DMRT1: variants seen among roughly 807,000 people sequenced by gnomAD.
DMRT1 encodes the protein doublesex and mab-3 related transcription factor 1, also known as doublesex- and mab-3-related transcription factor 1.
DMRT1 carries 7 observed loss-of-function variants against 32.3 expected under a neutral mutation model. That is an observed-to-expected ratio of 0.22 (90% CI 0.12 to 0.41). The LOEUF (loss-of-function observed/expected upper bound fraction) is 0.41. Among genes scored for constraint, DMRT1 ranks in the 10% least tolerant of loss-of-function variants. The pLI is 1.00. For synonymous variants in DMRT1, 278 were observed against 206.1 expected (o/e 1.35, Z -2.99); for missense variants, 625 against 500.5 (o/e 1.25, Z -2.37).
chr9:871,338 CT>C (rs1370831436), intron 2 of DMRT1, among the ~76,000 whole-genome samples: 167 of 137,136 alleles, frequency 1.2e-3, no homozygotes, highest in Admixed American at 1.5e-3. Flanking sequence ...TCTTTGAACT[CT>C]TTTTTTTTTT....
intron 2 of DMRT1, among the ~76,000 whole-genome samples, chr9:866,119 C>T (rs907753474): frequency 2.3e-5 from 3 of 130,676 alleles, no homozygotes; most frequent in Non-Finnish European, 4.7e-5. Context: ...AGCCGAGATC[C>T]TGCTACTGCA....
At chr9:960,679 G>A (rs1718094684) in intron 4 of DMRT1, among the ~76,000 whole-genome samples, 1 of 152,208 alleles carries the variant, frequency 6.6e-6, no homozygotes, top group African/African-American at 2.4e-5. Flanking sequence ...AGGGGTACGA[G>A]CTGGGCTTGG....
At chr9:842,241 T>G (rs1718294435) in intron 1 of DMRT1, 49 bp downstream of exon 1, 1 of 1,501,004 alleles carries the variant, frequency 6.7e-7, no homozygotes. Flanking sequence ...TTTTTTTTTT[T>G]TTTTTTTTTT....
intron 4 of DMRT1, among the ~76,000 whole-genome samples, chr9:923,235 G>A (rs780958934): frequency 6.6e-6 from 1 of 152,164 alleles, no homozygotes; most frequent in South Asian, 2.1e-4. Flanking sequence ...TCTGCTCTCT[G>A]TTGGGAGCAC....
chr9:913,324 C>T (rs1041653814), intron 3 of DMRT1, among the ~76,000 whole-genome samples: 5 of 152,124 alleles, frequency 3.3e-5, no homozygotes, highest in Admixed American at 1.3e-4. Flanking sequence ...CGGCTTATGT[C>T]GGCACCTTGC....
At chr9:867,476 A>G (rs1391990842) in intron 2 of DMRT1, among the ~76,000 whole-genome samples, 1 of 152,250 alleles carries the variant, frequency 6.6e-6, no homozygotes, top group Non-Finnish European at 1.5e-5. Context: ...AGTAGCTCTC[A>G]TTTACCGAGT....
intron 3 of DMRT1, among the ~76,000 whole-genome samples, chr9:913,451 A>G (rs1463608154): frequency 2.0e-5 from 3 of 152,180 alleles, no homozygotes; most frequent in Non-Finnish European, 4.4e-5. Context: ...GCAGTTGTAG[A>G]TGGCAACAGA....
intron 3 of DMRT1, among the ~76,000 whole-genome samples, chr9:910,192 A>C (rs1419764882): frequency 6.6e-6 from 1 of 152,194 alleles, no homozygotes; most frequent in Non-Finnish European, 1.5e-5. Context: ...TTTTGTCTTG[A>C]AGCATGAAGA....
intron 4 of DMRT1, among the ~76,000 whole-genome samples, chr9:966,695 G>A (rs747162717): frequency 1.3e-5 from 2 of 152,202 alleles, no homozygotes; most frequent in African/African-American, 2.4e-5. Context: ...TCCACTAGCT[G>A]CAGCAAACCT....
intron 4 of DMRT1, among the ~76,000 whole-genome samples, chr9:952,179 T>A (rs967690888): frequency 4.6e-5 from 7 of 152,196 alleles, no homozygotes; most frequent in African/African-American, 1.7e-4. Context: ...TTCACAGCCA[T>A]ATCCCCTGTA....
intron 4 of DMRT1, among the ~76,000 whole-genome samples, chr9:944,680 G>A (rs1219390333): frequency 6.6e-5 from 10 of 152,026 alleles, no homozygotes; most frequent in Non-Finnish European, 8.8e-5. Flanking sequence ...ACCTCTTTTG[G>A]GTAAATGGTA....
At chr9:941,634 C>G (rs1819076118) in intron 4 of DMRT1, among the ~76,000 whole-genome samples, 1 of 151,664 alleles carries the variant, frequency 6.6e-6, no homozygotes, top group African/African-American at 2.4e-5. Context: ...TACACAGCAG[C>G]CTGAATGAAC....
chr9:891,088 G>A (rs112421566), intron 2 of DMRT1, among the ~76,000 whole-genome samples: 2 of 151,716 alleles, frequency 1.3e-5, no homozygotes, highest in Non-Finnish European at 2.9e-5. Flanking sequence ...GCCTGTAATC[G>A]TAGCACTTTG....
At chr9:942,031 G>A (rs1819091126) in intron 4 of DMRT1, among the ~76,000 whole-genome samples, 1 of 152,178 alleles carries the variant, frequency 6.6e-6, no homozygotes, top group South Asian at 2.1e-4. Context: ...TCATGGTTAT[G>A]TATAACATGA....
At chr9:942,992 C>G (rs575575960) in intron 4 of DMRT1, among the ~76,000 whole-genome samples, 6 of 152,196 alleles carry the variant, frequency 3.9e-5, no homozygotes, top group East Asian at 3.9e-4. Flanking sequence ...ACCCCTCCCC[C>G]CAACCCTATA....
At chr9:885,259 C>T (rs781026384) in intron 2 of DMRT1, among the ~76,000 whole-genome samples, 79 of 152,278 alleles carry the variant, frequency 5.2e-4, no homozygotes, top group Non-Finnish European at 8.5e-4. Context: ...TTGCGTTAGT[C>T]GGCTCAATTA....
At chr9:868,695 A>C (rs146968282) in intron 2 of DMRT1, among the ~76,000 whole-genome samples, 4 of 152,340 alleles carry the variant, frequency 2.6e-5, no homozygotes, top group African/African-American at 4.8e-5. Flanking sequence ...GAGTATACTT[A>C]AATGAAAAAT....
chr9:966,477 G>C (rs1586674070), intron 4 of DMRT1, among the ~76,000 whole-genome samples: 1 of 152,224 alleles, frequency 6.6e-6, no homozygotes, highest in African/African-American at 2.4e-5. Context: ...TGCCTAAATT[G>C]TTTTTCAAAT....
intron 1 of DMRT1, 74 bp downstream of exon 1, chr9:842,266 G>C: frequency 2.0e-6 from 3 of 1,464,714 alleles, no homozygotes; most frequent in South Asian, 1.3e-5. Context: ...ATGGAGTCTC[G>C]CTCGGTTGCC....
Sources: gnomAD v4.1 joint callset for allele counts (sites outside exome capture counted in the v4.1 genomes callset) on GRCh38, gnomAD v4.1.1 for gene constraint, MANE v1.5 for transcripts, NCBI Gene and HGNC (gene_info 2026-07-23, HGNC 2026-07-21) for gene names.